Variants in GRK5 observed in about 807,000 individuals in gnomAD.
The protein encoded by GRK5 is G protein-coupled receptor kinase 5.
Under a neutral mutation model 78.4 loss-of-function variants are expected in GRK5, and 40 were observed. That is an observed-to-expected ratio of 0.51 (90% CI 0.40 to 0.66). The LOEUF is 0.66. Ranked by LOEUF, GRK5 falls within the 30% of genes least tolerant of loss-of-function variation. The probability of loss-of-function intolerance (pLI) is 0.00; values close to 1 mark genes in which losing one functional copy is unlikely to be tolerated. For missense variants in GRK5, 598 were observed against 759.9 expected (o/e 0.79, Z 2.50); for synonymous variants, 289 against 296.8 (o/e 0.97, Z 0.27).
At chr10:119,383,135 A>G (rs1338656418) in intron 3 of GRK5, among the ~76,000 whole-genome samples, 1 of 152,016 alleles carries the variant, frequency 6.6e-6, no homozygotes, top group Non-Finnish European at 1.5e-5. Context: ...GTTAGCCAGG[A>G]TGGTCTCGAT....
At chr10:119,354,628 C>T (rs979953461) in intron 2 of GRK5, among the ~76,000 whole-genome samples, 1 of 152,112 alleles carries the variant, frequency 6.6e-6, no homozygotes, top group African/African-American at 2.4e-5. Flanking sequence ...TCTCAAACTC[C>T]TAGGCTCAAG....
chr10:119,298,370 C>T (rs938109527), intron 1 of GRK5, among the ~76,000 whole-genome samples: 4 of 152,188 alleles, frequency 2.6e-5, no homozygotes, highest in Middle Eastern at 3.2e-3. Flanking sequence ...TACCCAGTCA[C>T]AGCCCTGGTG....
chr10:119,247,013 C>T (rs1201705604), intron 1 of GRK5, among the ~76,000 whole-genome samples: 1 of 152,136 alleles, frequency 6.6e-6, no homozygotes, highest in Non-Finnish European at 1.5e-5. Flanking sequence ...GGGTCAGATC[C>T]GTGCCCTGGC....
intron 5 of GRK5, among the ~76,000 whole-genome samples, 177 bp from the exon 6 acceptor site, chr10:119,424,816 G>A (rs1326838155): frequency 2.0e-5 from 3 of 152,154 alleles, no homozygotes; most frequent in African/African-American, 7.2e-5. Context: ...GTGTTGGCAG[G>A]ACCAACCAAT....
intron 10 of GRK5, 75 bp downstream of exon 10, chr10:119,439,843 C>CA (rs1852997200): frequency 2.2e-5 from 32 of 1,452,368 alleles, no homozygotes; most frequent in Non-Finnish European, 2.9e-5. Flanking sequence ...CAGGGATTCT[C>CA]AGAGAGGGCT....
At chr10:119,282,608 G>C (rs1849780406) in intron 1 of GRK5, among the ~76,000 whole-genome samples, 1 of 152,220 alleles carries the variant, frequency 6.6e-6, no homozygotes, top group Non-Finnish European at 1.5e-5. Flanking sequence ...CGAGCAGATG[G>C]ATCAAGGCCC....
chr10:119,392,121 G>T (rs12263765), intron 3 of GRK5, among the ~76,000 whole-genome samples: 1,635 of 152,346 alleles, frequency 0.011, 20 homozygotes, highest in African/African-American at 0.038. Context: ...TTCTGAGATT[G>T]ATGATGCAAT....
intron 1 of GRK5, among the ~76,000 whole-genome samples, chr10:119,298,194 A>G (rs1159991542): frequency 6.6e-6 from 1 of 152,106 alleles, no homozygotes; most frequent in East Asian, 1.9e-4. Context: ...GGTCAGTACT[A>G]TTTGGTCATT....
At chr10:119,313,627 G>A (rs1850434861) in intron 1 of GRK5, among the ~76,000 whole-genome samples, 1 of 152,110 alleles carries the variant, frequency 6.6e-6, no homozygotes, top group African/African-American at 2.4e-5. Flanking sequence ...CAGTGCAGCT[G>A]TCAGGGAGGG....
intron 1 of GRK5, among the ~76,000 whole-genome samples, chr10:119,224,232 C>G (rs935269639): frequency 1.6e-4 from 25 of 152,102 alleles, no homozygotes; most frequent in African/African-American, 6.0e-4. Context: ...AGACTGGGCT[C>G]TCATTGTGCA....
At chr10:119,433,414 G>A (rs146162298) in intron 8 of GRK5, among the ~76,000 whole-genome samples, 32 of 152,274 alleles carry the variant, frequency 2.1e-4, no homozygotes, top group African/African-American at 5.8e-4. Flanking sequence ...TGGGTGGCAC[G>A]TCTTTAAGGG....
intron 1 of GRK5, among the ~76,000 whole-genome samples, chr10:119,261,039 C>T (rs1158905477): frequency 4.5e-3 from 18 of 3,988 alleles, no homozygotes; most frequent in Admixed American, 9.8e-3. Context: ...AGGGGGCTGA[C>T]CCCCCCACCT....
intron 10 of GRK5, 145 bp from the exon 11 acceptor site, chr10:119,441,854 A>G: frequency 1.6e-6 from 1 of 639,158 alleles, no homozygotes; most frequent in Non-Finnish European, 2.8e-6. Flanking sequence ...TCTTGTGGTC[A>G]CTCTGAGATG....
intron 15 of GRK5, among the ~76,000 whole-genome samples, chr10:119,454,536 G>A (rs1476441570): frequency 6.6e-6 from 1 of 152,214 alleles, no homozygotes; most frequent in East Asian, 1.9e-4. Flanking sequence ...CTCCCAGGCC[G>A]GCCCTCGCTA....
At chr10:119,225,994 G>A (rs78257397) in intron 1 of GRK5, among the ~76,000 whole-genome samples, 3,103 of 151,896 alleles carry the variant, frequency 0.02, 76 homozygotes, top group South Asian at 0.062. Context: ...GACTACAGGT[G>A]CCCGCCACCA....
intron 4 of GRK5, among the ~76,000 whole-genome samples, chr10:119,397,061 T>C (rs1457150539): frequency 6.6e-6 from 1 of 152,050 alleles, no homozygotes; most frequent in Non-Finnish European, 1.5e-5. Context: ...ACCCAACCAT[T>C]TGTGGTAGGG....
intron 1 of GRK5, among the ~76,000 whole-genome samples, chr10:119,258,683 TG>T (rs1849325058): frequency 6.6e-6 from 1 of 152,106 alleles, no homozygotes; most frequent in South Asian, 2.1e-4. Context: ...TCCCCAGAAG[TG>T]GACTCTGGTG....
intron 1 of GRK5, among the ~76,000 whole-genome samples, chr10:119,266,059 C>T (rs929122799): frequency 1.3e-5 from 2 of 152,200 alleles, no homozygotes; most frequent in African/African-American, 4.8e-5. Flanking sequence ...CTGTGGCCTC[C>T]CCCAGAAGGC....
At chr10:119,386,065 T>C (rs189827053) in intron 3 of GRK5, among the ~76,000 whole-genome samples, 21 of 152,218 alleles carry the variant, frequency 1.4e-4, no homozygotes, top group African/African-American at 4.3e-4. Flanking sequence ...TTGTATTCTT[T>C]GTAGAGACAG....
Sources: allele counts gnomAD v4.1 joint callset (sites outside exome capture counted in the v4.1 genomes callset), GRCh38; gene constraint gnomAD v4.1.1; transcripts MANE v1.5; gene names NCBI Gene and HGNC (gene_info 2026-07-23, HGNC 2026-07-21).